The following ESR1 variants were observed in gnomAD, a reference collection of about 807,000 sequenced individuals.
The protein encoded by ESR1 is estrogen receptor.
In ESR1, 12 loss-of-function variants were observed where a neutral mutation model predicts 52.7. The observed-to-expected ratio is 0.23, with a 90% CI of 0.15 to 0.37. The LOEUF is 0.37. ESR1 is among the 10% of genes least tolerant of loss of function. The probability of loss-of-function intolerance (pLI) is 1.00; values close to 1 mark genes in which losing one functional copy is unlikely to be tolerated. For missense variants in ESR1, 584 were observed against 779.7 expected (o/e 0.75, Z 2.99); for synonymous variants, 305 against 316.8 (o/e 0.96, Z 0.39).
At chr6:151,967,208 A>G (rs2038366794) in intron 4 of ESR1, among the ~76,000 whole-genome samples, 1 of 152,128 alleles carries the variant, frequency 6.6e-6, no homozygotes, top group Admixed American at 6.5e-5. Context: ...TTATACTGTA[A>G]GTTCTGGGAT....
At chr6:151,877,287 A>T (rs1792009682) in intron 2 of ESR1, among the ~76,000 whole-genome samples, 1 of 152,096 alleles carries the variant, frequency 6.6e-6, no homozygotes. Flanking sequence ...TTAATAACAC[A>T]TATTGACCAA....
At chr6:151,922,412 T>A (rs2031876289) in intron 3 of ESR1, among the ~76,000 whole-genome samples, 1 of 152,192 alleles carries the variant, frequency 6.6e-6, no homozygotes, top group South Asian at 2.1e-4. Flanking sequence ...TATTTGGAAG[T>A]GTCTATTCTC....
At chr6:151,838,550 A>T (rs1182480009) in intron 1 of ESR1, among the ~76,000 whole-genome samples, 1 of 152,162 alleles carries the variant, frequency 6.6e-6, no homozygotes, top group African/African-American at 2.4e-5. Context: ...AAGTTATGTT[A>T]TCTTGATCTG....
chr6:151,920,411 T>G (rs1219529133), intron 3 of ESR1, among the ~76,000 whole-genome samples: 1 of 152,166 alleles, frequency 6.6e-6, no homozygotes, highest in East Asian at 1.9e-4. Flanking sequence ...GTTTCCTCTA[T>G]TATCGACATC....
intron 7 of ESR1, chr6:152,096,573 A>G (rs2050627314): frequency 2.2e-6 from 1 of 450,856 alleles, no homozygotes; most frequent in Non-Finnish European, 4.5e-6. Flanking sequence ...TGAATGGATG[A>G]ACAAATGGCT....
intron 1 of ESR1, among the ~76,000 whole-genome samples, chr6:151,826,351 G>T (rs1781498867): frequency 6.6e-6 from 1 of 152,174 alleles, no homozygotes. Context: ...GAGATTTTAG[G>T]TTGCTTCTGA....
intron 2 of ESR1, among the ~76,000 whole-genome samples, chr6:151,730,989 C>T (rs757662752): frequency 6.6e-6 from 1 of 152,154 alleles, no homozygotes; most frequent in Non-Finnish European, 1.5e-5. Context: ...GCCTGTGTCA[C>T]CTAAGAGTGA....
intron 3 of ESR1, among the ~76,000 whole-genome samples, chr6:151,905,992 A>G (rs1051441324): frequency 2.0e-5 from 3 of 152,144 alleles, no homozygotes; most frequent in African/African-American, 4.8e-5. Flanking sequence ...TTTATATCCT[A>G]TTGCTCAAGG....
intron 5 of ESR1, among the ~76,000 whole-genome samples, chr6:152,047,161 A>G (rs1174851566): frequency 1.3e-5 from 2 of 152,066 alleles, no homozygotes; most frequent in African/African-American, 4.8e-5. Flanking sequence ...CTAGTAGAAC[A>G]TACTACAGTT....
chr6:151,740,418 G>A (rs1019415820), intron 2 of ESR1, among the ~76,000 whole-genome samples: 3 of 150,644 alleles, frequency 2.0e-5, no homozygotes, highest in South Asian at 2.1e-4. Flanking sequence ...TTACAGGCGT[G>A]AGCCACCACA....
At chr6:151,878,980 G>C (rs965235115) in intron 2 of ESR1, among the ~76,000 whole-genome samples, 5 of 152,154 alleles carry the variant, frequency 3.3e-5, no homozygotes, top group African/African-American at 1.2e-4. Flanking sequence ...TGTGTTGGGA[G>C]CGTACATTCT....
intron 1 of ESR1, among the ~76,000 whole-genome samples, chr6:151,839,302 G>T (rs532063682): frequency 6.6e-6 from 1 of 152,096 alleles, no homozygotes; most frequent in African/African-American, 2.4e-5. Flanking sequence ...TATTCCCCTC[G>T]CACTCATTAG....
At chr6:151,918,926 G>A (rs538992156) in intron 3 of ESR1, among the ~76,000 whole-genome samples, 1 of 152,260 alleles carries the variant, frequency 6.6e-6, no homozygotes, top group Non-Finnish European at 1.5e-5. Flanking sequence ...CTTTTATTTA[G>A]CAATAAGATT....
At chr6:152,027,197 C>T (rs2044225434) in intron 5 of ESR1, among the ~76,000 whole-genome samples, 2 of 152,106 alleles carry the variant, frequency 1.3e-5, no homozygotes, top group Admixed American at 1.3e-4. Flanking sequence ...AATTCCTGAC[C>T]TCAAGTGATC....
At chr6:151,921,149 T>G (rs752111172) in intron 3 of ESR1, among the ~76,000 whole-genome samples, 3 of 152,168 alleles carry the variant, frequency 2.0e-5, no homozygotes, top group African/African-American at 2.4e-5. Flanking sequence ...GTGTTCTCAT[T>G]GTTCAGCTCC....
intron 2 of ESR1, among the ~76,000 whole-genome samples, chr6:151,747,314 C>T (rs1306391551): frequency 3.9e-5 from 6 of 152,176 alleles, no homozygotes; most frequent in African/African-American, 1.4e-4. Context: ...GAATGAATCA[C>T]TGAATAAGCA....
At chr6:151,847,087 C>A (rs1785263431) in intron 2 of ESR1, among the ~76,000 whole-genome samples, 1 of 152,186 alleles carries the variant, frequency 6.6e-6, no homozygotes, top group South Asian at 2.1e-4. Context: ...TCAGATCAGA[C>A]AGACATAGCC....
At chr6:152,064,534 T>C (rs1202196554) in intron 6 of ESR1, among the ~76,000 whole-genome samples, 2 of 152,234 alleles carry the variant, frequency 1.3e-5, no homozygotes, top group Non-Finnish European at 2.9e-5. Context: ...AGTTGGTTGA[T>C]TTCATTCATT....
rs77741388 is a variant in ESR1 at position 151,821,086 on chromosome 6, C to T, written c.452+12722C>T. On this transcript the variant is annotated intron_variant, in intron 1 of 7. Coordinates refer to ENST00000206249, the MANE Select transcript of ESR1 (RefSeq NM_000125.4). ...AAGTCTAGAAAGGTGAAGGAACTTC[C>T]CCCAAAGTTTCCCAGCTGGTAGAGA... 3.5e-3 allele frequency among the ~76,000 whole-genome samples: 538 copies of T among 152,036 alleles called. 4 individuals carry two copies. The highest frequency in any genetic ancestry group is 5.8e-3 in the Admixed American group (89 of 15,268).
Sources: gnomAD v4.1 joint callset for allele counts (sites outside exome capture counted in the v4.1 genomes callset) on GRCh38, gnomAD v4.1.1 for gene constraint, MANE v1.5 for transcripts, NCBI Gene and HGNC (gene_info 2026-07-23, HGNC 2026-07-21) for gene names.